The following ELP4 variants were observed in gnomAD, a reference collection of about 807,000 sequenced individuals.
ELP4 encodes the protein elongator complex protein 4.
A neutral mutation model predicts 48.9 loss-of-function variants in ELP4; 51 were observed. The ratio of observed to expected loss-of-function variants is 1.04; its 90% CI spans 0.83 to 1.32. ELP4 has a LOEUF of 1.32. Among genes scored for constraint, ELP4 ranks in the 40% most tolerant of loss-of-function variants. The probability of loss-of-function intolerance (pLI) is 0.00; values close to 1 mark genes in which losing one functional copy is unlikely to be tolerated. For missense variants in ELP4, 519 were observed against 514.6 expected, an observed-to-expected ratio of 1.01 and a Z score of -0.08; for synonymous variants, 210 against 189.2, an observed-to-expected ratio of 1.11 and a Z score of -0.90.
intron 7 of ELP4, among the ~76,000 whole-genome samples, chr11:31,635,148 T>G (rs1944947028): frequency 6.6e-6 from 1 of 151,988 alleles, no homozygotes; most frequent in African/African-American, 2.4e-5. Context: ...AGTAAAACTT[T>G]TAAGAACTTT....
At chr11:31,603,280 G>A (rs1957814779) in intron 4 of ELP4, among the ~76,000 whole-genome samples, 1 of 151,738 alleles carries the variant, frequency 6.6e-6, no homozygotes, top group Non-Finnish European at 1.5e-5. Context: ...ATTGTCTTAT[G>A]TGAGAATTCA....
chr11:31,705,326 C>T (rs182250604), intron 9 of ELP4, among the ~76,000 whole-genome samples: 2 of 152,192 alleles, frequency 1.3e-5, no homozygotes, highest in Admixed American at 1.3e-4. Context: ...GGGGCCCCAC[C>T]CTGATGACCT....
rs1297408103 is a variant in ELP4 at position 31,786,615 on chromosome 11, A to G, written c.*3091A>G. ...AAAAGAATATAGACACAATCCTAAG[A>G]TGACATTCACAGAACAAAGCTGAAT... On this transcript the variant is annotated 3_prime_UTR_variant, in exon 10 of 10. Coordinates refer to ENST00000640961, the MANE Select transcript of ELP4 (RefSeq NM_019040.5). 4.4e-6 allele frequency: 1 copy of G among 225,814 alleles called. No individual in the cohort carries two copies. The highest frequency in any genetic ancestry group is 6.4e-5 in the East Asian group (1 of 15,564). The allele number at this position is 225,814 out of a possible 1,614,324, so 14.0% of individuals were successfully genotyped here.
intron 9 of ELP4, among the ~76,000 whole-genome samples, chr11:31,722,819 CA>C (rs1163335470): frequency 1.3e-5 from 2 of 152,094 alleles, no homozygotes; most frequent in Non-Finnish European, 2.9e-5. Context: ...GCACAGACTT[CA>C]CAGGACCCTG....
chr11:31,750,497 A>G (rs1316839952), intron 9 of ELP4, among the ~76,000 whole-genome samples: 1 of 152,150 alleles, frequency 6.6e-6, no homozygotes, highest in African/African-American at 2.4e-5. Flanking sequence ...GATGCAGTCA[A>G]AGGTTGTCAG....
chr11:31,574,568 G>T (rs2133961123), intron 3 of ELP4, among the ~76,000 whole-genome samples: 1 of 152,292 alleles, frequency 6.6e-6, no homozygotes, highest in African/African-American at 2.4e-5. Flanking sequence ...ACAGCTGGGT[G>T]CCCCTCTGAG....
chr11:31,728,864 TA>T (rs1235059420), intron 9 of ELP4, among the ~76,000 whole-genome samples: 1 of 152,198 alleles, frequency 6.6e-6, no homozygotes, highest in Non-Finnish European at 1.5e-5. Flanking sequence ...AAACCAAAAT[TA>T]AAGTTAAGTT....
chr11:31,600,454 C>T (rs1400342600), intron 4 of ELP4: 5 of 152,074 alleles, frequency 3.3e-5, no homozygotes, highest in Admixed American at 2.6e-4. Flanking sequence ...GACTTTCTAT[C>T]TTAGTGGTTT....
At position 31,647,708 on chromosome 11, in the gene ELP4, T is replaced by A. The variant is rs781373805; in HGVS notation, c.928-33T>A. On this transcript the variant is annotated intron_variant, in intron 7 of 9. Transcript: ENST00000640961. ...AGATATTATACTATTAACATAATAT[T>A]TAACGTTACTGTTTTGTTTCCATGT... 3.2e-6 allele frequency: 4 copies of A among 1,258,952 alleles called. No individual in the cohort carries two copies. The African/African-American group carries it at 5.9e-5, about 19-fold the overall frequency. 78.0% of individuals were successfully genotyped at this position (1,258,952 alleles called of 1,614,324 possible). A position where few individuals can be genotyped will look rare whatever the true frequency, so the allele number is the denominator to read the frequency against.
chr11:31,529,031 T>C (rs1956346650), intron 2 of ELP4, among the ~76,000 whole-genome samples: 2 of 147,760 alleles, frequency 1.4e-5, no homozygotes, highest in African/African-American at 5.3e-5. Context: ...AATTTGTGTT[T>C]GGCTATGTGT....
At chr11:31,642,666 CTT>C (rs1945123537) in intron 7 of ELP4, among the ~76,000 whole-genome samples, 1 of 151,770 alleles carries the variant, frequency 6.6e-6, no homozygotes, top group African/African-American at 2.4e-5. Context: ...TTAACCATGA[CTT>C]GAAGTTCCGT....
At chr11:31,686,801 G>A (rs1946170614) in intron 9 of ELP4, among the ~76,000 whole-genome samples, 2 of 151,892 alleles carry the variant, frequency 1.3e-5, no homozygotes, top group East Asian at 1.9e-4. Context: ...CTGGGGAGGT[G>A]GAGGTTGCAG....
rs148076836 is a variant in ELP4 at position 31,731,567 on chromosome 11, G to GGTGTGTGTGTGTGTGTGTGT, written c.1144-51811_1144-51792dup. On this transcript the variant is annotated intron_variant, in intron 9 of 9. Coordinates refer to ENST00000640961, the MANE Select transcript of ELP4 (RefSeq NM_019040.5). ...GGGACTTATGGTACACCATTAAGCAGGTGTGTGTGTGTGTGTGTGTGTGTG... is the reference window on the plus strand; with the variant it reads ...GGGACTTATGGTACACCATTAAGCAGGTGTGTGTGTGTGTGTGTGTGTGTGTGTGTGTGTGTGTGTGTGTG... Among the ~76,000 whole-genome samples the GGTGTGTGTGTGTGTGTGTGT allele has an allele frequency of 4.8e-3, 688 of 142,844 alleles. 14 individuals are homozygous for GGTGTGTGTGTGTGTGTGTGT. The highest frequency in any genetic ancestry group is 0.016 in the African/African-American group (582 of 37,438). 93.7% of individuals were successfully genotyped at this position (142,844 alleles called of 152,430 possible). A position where few individuals can be genotyped will look rare whatever the true frequency, so the allele number is the denominator to read the frequency against.
At chr11:31,693,667 G>T (rs1433275758) in intron 9 of ELP4, among the ~76,000 whole-genome samples, 1 of 152,176 alleles carries the variant, frequency 6.6e-6, no homozygotes, top group Non-Finnish European at 1.5e-5. Flanking sequence ...AATCCTTCGA[G>T]TATATACCCA....
chr11:31,633,085 T>C (rs1944898700), intron 7 of ELP4: 1 of 152,110 alleles, frequency 6.6e-6, no homozygotes, highest in African/African-American at 2.4e-5. Flanking sequence ...AACGTGGTTT[T>C]AAAATTCTTA....
At chr11:31,772,400 G>A (rs761477027) in intron 9 of ELP4, among the ~76,000 whole-genome samples, 6 of 152,152 alleles carry the variant, frequency 3.9e-5, no homozygotes, top group African/African-American at 9.7e-5. Flanking sequence ...AATTACAGGC[G>A]TGAGCCAACG....
chr11:31,554,193 G>T (rs1230586597), intron 3 of ELP4, among the ~76,000 whole-genome samples: 7 of 152,106 alleles, frequency 4.6e-5, no homozygotes, highest in Non-Finnish European at 8.8e-5. Context: ...GTGTAATAAT[G>T]ATAGAAATAA....
At chr11:31,622,019 A>G (rs138566989) in intron 5 of ELP4, among the ~76,000 whole-genome samples, 1 of 151,996 alleles carries the variant, frequency 6.6e-6, no homozygotes, top group East Asian at 1.9e-4. Context: ...GAATGACTAT[A>G]CTTAACCTCA....
intron 9 of ELP4, among the ~76,000 whole-genome samples, chr11:31,765,715 T>C (rs1373882731): frequency 5.9e-5 from 9 of 152,132 alleles, no homozygotes. Flanking sequence ...GGAAATACTA[T>C]TTAAGTAGTA....
Sources: gnomAD v4.1 joint callset for allele counts (sites outside exome capture counted in the v4.1 genomes callset) on GRCh38, gnomAD v4.1.1 for gene constraint, MANE v1.5 for transcripts, NCBI Gene and HGNC (gene_info 2026-07-23, HGNC 2026-07-21) for gene names.